The following CELF2 variants were observed in gnomAD, a reference collection of about 807,000 sequenced individuals.
The protein encoded by CELF2 is CUG triplet repeat RNA-binding protein 2.
Under a neutral mutation model 62.6 loss-of-function variants are expected in CELF2, and 8 were observed. The observed-to-expected ratio is 0.13, with a 90% confidence interval of 0.07 to 0.23. The LOEUF (loss-of-function observed/expected upper bound fraction) is 0.23, where lower values mean the gene tolerates loss of function less well. Ranked by LOEUF, CELF2 falls within the 10% of genes least tolerant of loss-of-function variation. The probability of loss-of-function intolerance (pLI) is 1.00; values close to 1 mark genes in which losing one functional copy is unlikely to be tolerated. For synonymous variants in CELF2, 258 were observed against 250.0 expected, an observed-to-expected ratio of 1.03 and a Z score of -0.30; for missense variants, 333 against 671.0, an observed-to-expected ratio of 0.50 and a Z score of 5.56.
At chr10:11,263,417 G>A (rs1420080917) in intron 5 of CELF2, among the ~76,000 whole-genome samples, 2 of 152,000 alleles carry the variant, frequency 1.3e-5, no homozygotes, top group African/African-American at 4.8e-5. Flanking sequence ...AAGAAGTATG[G>A]CTTCATTATT....
chr10:10,802,267 C>T (rs112331533), intron 1 of CELF2, among the ~76,000 whole-genome samples: 3 of 152,106 alleles, frequency 2.0e-5, no homozygotes, highest in South Asian at 2.1e-4. Flanking sequence ...GTCAAGAGAT[C>T]GAGACCATCC....
Position 11,321,340 on chromosome 10 carries a change from C to CCAGAGCCTGCTGCAGCAG in CELF2, c.1255_1272dup (p.Leu419_Ser424dup). ...CCGCCGCGCTGCCCACTCTGTACAGCCAGAGCCTGCTGCAGCAGCAGAGCG... is the reference window on the plus strand; with the variant it reads ...CCGCCGCGCTGCCCACTCTGTACAGCCAGAGCCTGCTGCAGCAGCAGAGCCTGCTGCAGCAGCAGAGCG... On this transcript the variant is annotated inframe_insertion, in exon 11 of 13. Transcript: ENST00000633077. This position sits in a 1 kb window ranked among gnomAD's most constrained non-coding sequence, Gnocchi z 6.2. The CCAGAGCCTGCTGCAGCAG allele has an allele frequency of 6.2e-7, 1 of 1,611,388 alleles. No individual in the cohort carries two copies. Among genetic ancestry groups the CCAGAGCCTGCTGCAGCAG allele is most frequent in the South Asian group, 1.1e-5 (1 of 91,086 alleles).
chr10:11,005,256 G>C, upstream of CELF2: 2 of 336,074 alleles, frequency 6.0e-6, no homozygotes, highest in South Asian at 6.8e-5. The surrounding 1 kb of genome is among the most constrained non-coding windows in gnomAD (Gnocchi z 4.3). Flanking sequence ...GAGAGAGAGG[G>C]AGAGAGAGAG....
the CELF2 span, among the ~76,000 whole-genome samples, chr10:10,617,709 AG>A: frequency 0.46 from 70,234 of 151,388 alleles, 16,831 homozygotes; most frequent in South Asian, 0.73. Flanking sequence ...GGCTTTGTAA[AG>A]GGGGGGGAAA....
At chr10:10,492,904 C>T in the CELF2 span, among the ~76,000 whole-genome samples, 1 of 87,322 alleles carries the variant, frequency 1.1e-5, no homozygotes, top group Non-Finnish European at 2.7e-5. Flanking sequence ...AGGGGAAATC[C>T]CTTTCACTTG....
chr10:10,474,721 G>C, the CELF2 span, among the ~76,000 whole-genome samples: 1 of 152,118 alleles, frequency 6.6e-6, no homozygotes, highest in South Asian at 2.1e-4. Context: ...AGGAGAGGAA[G>C]TCACCAGTAA....
chr10:11,259,609 C>CCTGTG (rs2079871647), intron 5 of CELF2, among the ~76,000 whole-genome samples: 1 of 152,164 alleles, frequency 6.6e-6, no homozygotes, highest in Non-Finnish European at 1.5e-5. Context: ...CGGTTTTTCA[C>CCTGTG]CTGTGCCATC....
At chr10:10,555,368 C>T in the CELF2 span, among the ~76,000 whole-genome samples, 72 of 151,770 alleles carry the variant, frequency 4.7e-4, no homozygotes, top group African/African-American at 1.6e-3. Flanking sequence ...GTTCAGTCTC[C>T]GTTCTGTATT....
chr10:10,918,002 A>T (rs1042187764), intron 1 of CELF2: 1 of 152,234 alleles, frequency 6.6e-6, no homozygotes, highest in African/African-American at 2.4e-5. Flanking sequence ...AAAGAAATTC[A>T]GTTGTATCTT....
chr10:10,686,863 A>G, the CELF2 span, among the ~76,000 whole-genome samples: 1 of 151,872 alleles, frequency 6.6e-6, no homozygotes, highest in African/African-American at 2.4e-5. Flanking sequence ...GGCTCATTCC[A>G]CTCTACTGGG....
chr10:10,875,563 C>T (rs1024391214), intron 1 of CELF2, among the ~76,000 whole-genome samples: 1 of 152,206 alleles, frequency 6.6e-6, no homozygotes, highest in African/African-American at 2.4e-5. Context: ...GCTTTGTTTA[C>T]TGTAGCGTAG....
chr10:10,664,603 A>C, the CELF2 span, among the ~76,000 whole-genome samples: 1 of 152,246 alleles, frequency 6.6e-6, no homozygotes, highest in African/African-American at 2.4e-5. Context: ...ACGGTGGGCT[A>C]GCAAGGAAGA....
At chr10:10,465,537 T>C in the CELF2 span, among the ~76,000 whole-genome samples, 7 of 152,150 alleles carry the variant, frequency 4.6e-5, no homozygotes, top group Admixed American at 4.6e-4. Flanking sequence ...TGGATGTAAG[T>C]AGTCTTAACA....
chr10:10,998,996 A>G (rs778542310), intron 2 of CELF2, among the ~76,000 whole-genome samples: 4 of 152,206 alleles, frequency 2.6e-5, no homozygotes, highest in Non-Finnish European at 4.4e-5. Flanking sequence ...TTTTCAACGT[A>G]CCCATATAAA....
chr10:11,072,828 A>G (rs1189938043), intron 1 of CELF2, among the ~76,000 whole-genome samples: 1 of 147,132 alleles, frequency 6.8e-6, no homozygotes, highest in Non-Finnish European at 1.5e-5. Flanking sequence ...TTTTTTTTTT[A>G]CATTATAAAA....
the CELF2 span, among the ~76,000 whole-genome samples, chr10:10,562,117 G>A: frequency 6.6e-6 from 1 of 152,176 alleles, no homozygotes; most frequent in African/African-American, 2.4e-5. Context: ...TTCCCCCAGT[G>A]GAGAGGTTAT....
chr10:10,484,569 G>A, the CELF2 span, among the ~76,000 whole-genome samples: 2 of 151,078 alleles, frequency 1.3e-5, no homozygotes, highest in South Asian at 2.1e-4. Flanking sequence ...CACCCACCTC[G>A]GTCTCCCAAA....
intron 9 of CELF2, among the ~76,000 whole-genome samples, chr10:11,294,891 C>T (rs1352576560): frequency 6.6e-6 from 1 of 152,242 alleles, no homozygotes; most frequent in Non-Finnish European, 1.5e-5. Flanking sequence ...GCCTGGGCAA[C>T]AGAGTGAGGC....
Position 11,227,886 on chromosome 10 carries a change from G to A in CELF2, c.354+10379G>A, listed in dbSNP as rs946366211. 6.6e-6 allele frequency among the ~76,000 whole-genome samples: 1 copy of A among 152,168 alleles called. No individual in the cohort carries two copies. The highest frequency in any genetic ancestry group is 1.5e-5 in the Non-Finnish European group (1 of 68,028). Reference sequence around the variant, plus strand: ...ACTGAGTGACTGTGGGTCGCTGGGTGTATTTTAATCTGTGACATTCCACAC... The same window carrying A: ...ACTGAGTGACTGTGGGTCGCTGGGTATATTTTAATCTGTGACATTCCACAC... On this transcript the variant is annotated intron_variant, in intron 3 of 12. Transcript: ENST00000633077. This position sits in a 1 kb window ranked among gnomAD's most constrained non-coding sequence, Gnocchi z 4.8.
Sources: gnomAD v4.1 joint callset for allele counts (sites outside exome capture counted in the v4.1 genomes callset) on GRCh38, gnomAD v4.1.1 for gene constraint, Gnocchi (gnomAD v3.1) non-coding constraint, MANE v1.5 for transcripts, NCBI Gene and HGNC (gene_info 2026-07-23, HGNC 2026-07-21) for gene names.